DIP2B: variants seen among roughly 807,000 people sequenced by gnomAD.
DIP2B encodes DIP2 acetate--CoA ligase B (putative).
DIP2B carries 76 observed loss-of-function variants against 198.0 expected under a neutral mutation model. The ratio of observed to expected loss-of-function variants is 0.38; its 90% CI spans 0.32 to 0.46. DIP2B has a LOEUF of 0.46. Ranked by LOEUF, DIP2B falls within the 20% of genes least tolerant of loss-of-function variation. The pLI is 0.99. For missense variants in DIP2B, 1,559 were observed against 1,978.4 expected, an observed-to-expected ratio of 0.79 and a Z score of 4.02; for synonymous variants, 701 against 739.1, an observed-to-expected ratio of 0.95 and a Z score of 0.84.
chr12:50,639,279 T>C (rs1193804710), intron 2 of DIP2B, among the ~76,000 whole-genome samples: 2 of 152,002 alleles, frequency 1.3e-5, no homozygotes, highest in Non-Finnish European at 2.9e-5. Context: ...TTGCTCTATA[T>C]GGTTGCCAAC....
chr12:50,689,911 A>T (rs1313029250), intron 12 of DIP2B, among the ~76,000 whole-genome samples: 1 of 152,132 alleles, frequency 6.6e-6, no homozygotes, highest in South Asian at 2.1e-4. Flanking sequence ...AGAGTAGTCA[A>T]ATTTTGCAGA....
At chr12:50,660,653 C>T (rs1938630030) in intron 4 of DIP2B, among the ~76,000 whole-genome samples, 1 of 151,932 alleles carries the variant, frequency 6.6e-6, no homozygotes, top group Admixed American at 6.6e-5. Flanking sequence ...TAGCCACTTT[C>T]ATTGTCACCC....
At chr12:50,682,129 T>A (rs1269351956) in intron 9 of DIP2B, among the ~76,000 whole-genome samples, 1 of 152,222 alleles carries the variant, frequency 6.6e-6, no homozygotes, top group Non-Finnish European at 1.5e-5. Flanking sequence ...TTAGGAAAAG[T>A]CACTTATCTC....
intron 1 of DIP2B, among the ~76,000 whole-genome samples, chr12:50,577,981 A>G (rs1958678745): frequency 6.6e-6 from 1 of 152,226 alleles, no homozygotes; most frequent in Admixed American, 6.5e-5. Context: ...TTAACTTTTC[A>G]TACTGTGTTA....
rs554632700 is a variant in DIP2B, at chr12:50,648,929, C to T, written c.301+8077C>T. 1.2e-4 allele frequency among the ~76,000 whole-genome samples: 18 copies of T among 151,924 alleles called. No homozygotes were observed. In the East Asian group the frequency reaches 3.1e-3, roughly 26 times the overall value. On this transcript the variant is annotated intron_variant, in intron 3 of 37. Transcript: ENST00000301180. ...ACAATTTAGTCAGCAAGATATAAAG[C>T]GAGTACAGAAATCAACAACCTTAAC...
intron 1 of DIP2B, among the ~76,000 whole-genome samples, chr12:50,549,242 G>A (rs1169246159): frequency 2.0e-5 from 3 of 151,842 alleles, no homozygotes; most frequent in Non-Finnish European, 4.4e-5. Context: ...GCCGAGGTGG[G>A]TGGATCACAA....
chr12:50,519,045 C>G (rs1355691744), intron 1 of DIP2B, among the ~76,000 whole-genome samples: 1 of 152,130 alleles, frequency 6.6e-6, no homozygotes, highest in Non-Finnish European at 1.5e-5. Flanking sequence ...CATCTGGCCA[C>G]AGCTTCTGCG....
intron 27 of DIP2B, among the ~76,000 whole-genome samples, chr12:50,723,892 T>C (rs1339813193): frequency 6.6e-6 from 1 of 152,252 alleles, no homozygotes; most frequent in East Asian, 1.9e-4. Context: ...TTTTGTGAAT[T>C]TACTTGGTAT....
Position 50,719,084 on chromosome 12 carries a change from ATCTTAGGCAC to A in DIP2B, c.3042+54_3042+63del. ...CTAATCAGCTGACTACTATAGGACCATCTTAGGCACTCTTGATCTCTTTCTTTCATCAGAA... is the reference window on the plus strand; with the variant it reads ...CTAATCAGCTGACTACTATAGGACCATCTTGATCTCTTTCTTTCATCAGAA... On this transcript the variant is annotated intron_variant, in intron 25 of 37. Transcript: ENST00000301180. 1.9e-6 allele frequency: 3 copies of A among 1,576,328 alleles called. No homozygotes were observed. The South Asian group carries it at 3.4e-5, about 18-fold the overall frequency.
Position 50,578,365 on chromosome 12 carries a change from G to A in DIP2B, c.101-47611G>A, listed in dbSNP as rs1958682194. On this transcript the variant is annotated intron_variant, in intron 1 of 37. Transcript: ENST00000301180. ...ACATCTTTTTTTTGTTTGTTTGTTT[G>A]TTTGAAGATTATGTGTTGGTTATTT... 2.0e-5 allele frequency among the ~76,000 whole-genome samples: 3 copies of A among 151,898 alleles called. No homozygotes were observed. The South Asian group carries it at 6.2e-4, about 31-fold the overall frequency.
chr12:50,529,229 C>T (rs1047581449), intron 1 of DIP2B, among the ~76,000 whole-genome samples: 1 of 152,170 alleles, frequency 6.6e-6, no homozygotes, highest in Non-Finnish European at 1.5e-5. Context: ...GAGATGGAGG[C>T]TCCGGGAGCT....
intron 1 of DIP2B, among the ~76,000 whole-genome samples, chr12:50,606,848 C>T (rs1215897671): frequency 3.3e-5 from 5 of 151,692 alleles, no homozygotes; most frequent in South Asian, 2.1e-4. Context: ...ATTCTGTCAC[C>T]TGGGCTAAAG....
chr12:50,730,513 G>A (rs1940023514), intron 30 of DIP2B, among the ~76,000 whole-genome samples: 1 of 151,258 alleles, frequency 6.6e-6, no homozygotes, highest in Non-Finnish European at 1.5e-5. Flanking sequence ...CCAAGTAGCT[G>A]GGACTACAGG....
At chr12:50,533,075 C>CA (rs1488895199) in intron 1 of DIP2B, among the ~76,000 whole-genome samples, 1 of 152,312 alleles carries the variant, frequency 6.6e-6, no homozygotes, top group East Asian at 1.9e-4. Flanking sequence ...GTGACAGAGT[C>CA]ACAGTGAGTC....
At chr12:50,639,152 C>T (rs970923227) in intron 2 of DIP2B, among the ~76,000 whole-genome samples, 4 of 149,784 alleles carry the variant, frequency 2.7e-5, no homozygotes, top group Non-Finnish European at 5.9e-5. Context: ...TGCAGTGGCA[C>T]GATCTTGGCT....
At chr12:50,573,714 T>C (rs971583620) in intron 1 of DIP2B, among the ~76,000 whole-genome samples, 2 of 152,240 alleles carry the variant, frequency 1.3e-5, no homozygotes, top group African/African-American at 2.4e-5. Context: ...AAATGGTTAG[T>C]CCAATTTTGT....
At chr12:50,614,865 T>TA (rs1233013277) in intron 1 of DIP2B, among the ~76,000 whole-genome samples, 1 of 152,188 alleles carries the variant, frequency 6.6e-6, no homozygotes, top group African/African-American at 2.4e-5. Flanking sequence ...GTATTCTCCT[T>TA]ACTTGTGTTT....
intron 37 of DIP2B, 59 bp from the exon 38 acceptor site, chr12:50,744,528 C>G: frequency 6.3e-7 from 1 of 1,599,308 alleles, no homozygotes; most frequent in Non-Finnish European, 8.5e-7. Context: ...GGGACAGATG[C>G]TATAAAAGAT....
intron 1 of DIP2B, among the ~76,000 whole-genome samples, chr12:50,596,752 A>G (rs2139436367): frequency 6.6e-6 from 1 of 152,314 alleles, no homozygotes; most frequent in South Asian, 2.1e-4. Context: ...AAATAAATAA[A>G]TAAACAGATG....
Sources: gnomAD v4.1 joint callset for allele counts (sites outside exome capture counted in the v4.1 genomes callset) on GRCh38, gnomAD v4.1.1 for gene constraint, MANE v1.5 for transcripts, NCBI Gene and HGNC (gene_info 2026-07-23, HGNC 2026-07-21) for gene names.